TEX36: variants seen among roughly 807,000 people sequenced by gnomAD.
The protein encoded by TEX36 is testis-expressed protein 36.
A neutral mutation model predicts 13.6 loss-of-function variants in TEX36; 12 were observed. The observed-to-expected ratio is 0.88, with a 90% CI of 0.56 to 1.43. TEX36 has a LOEUF of 1.43. Among genes scored for constraint, TEX36 ranks in the 40% most tolerant of loss-of-function variants. The probability of loss-of-function intolerance (pLI) is 0.00; values close to 1 mark genes in which losing one functional copy is unlikely to be tolerated. For synonymous variants in TEX36, 93 were observed against 83.0 expected (o/e 1.12, Z -0.65); for missense variants, 224 against 228.3 (o/e 0.98, Z 0.12).
chr10:125,629,083 C>T (rs916936136), intron 3 of TEX36, among the ~76,000 whole-genome samples: 8 of 152,102 alleles, frequency 5.3e-5, no homozygotes, highest in South Asian at 2.1e-4. Flanking sequence ...CTCTGTAGTT[C>T]GGAATTTGTG....
At chr10:125,635,103 C>G (rs1565179854) in intron 3 of TEX36, among the ~76,000 whole-genome samples, 2 of 152,158 alleles carry the variant, frequency 1.3e-5, no homozygotes, top group Non-Finnish European at 2.9e-5. Flanking sequence ...GCAGAATCTA[C>G]CAATAGTGCA....
At chr10:125,677,887 G>A (rs1282716085) in intron 1 of TEX36, among the ~76,000 whole-genome samples, 1 of 152,082 alleles carries the variant, frequency 6.6e-6, no homozygotes, top group Non-Finnish European at 1.5e-5. Flanking sequence ...TCACCATGTT[G>A]GCCAGGCTGG....
intron 1 of TEX36, chr10:125,667,459 G>T: frequency 1.4e-6 from 1 of 710,266 alleles, no homozygotes. Flanking sequence ...TATTTTCCAT[G>T]ACGGCAAGGG....
At chr10:125,632,199 G>A (rs1040381103) in intron 3 of TEX36, among the ~76,000 whole-genome samples, 6 of 152,108 alleles carry the variant, frequency 3.9e-5, no homozygotes, top group Non-Finnish European at 8.8e-5. Context: ...TGTGGACTCT[G>A]ACGAGGAGAA....
chr10:125,614,798 G>C (rs951303764), intron 3 of TEX36, among the ~76,000 whole-genome samples: 1 of 152,212 alleles, frequency 6.6e-6, no homozygotes, highest in African/African-American at 2.4e-5. Context: ...CTTCAAAGTA[G>C]TTTTTTCCAA....
At chr10:125,674,301 T>C (rs1008390424) in intron 1 of TEX36, among the ~76,000 whole-genome samples, 2 of 152,210 alleles carry the variant, frequency 1.3e-5, no homozygotes. Flanking sequence ...AAACTGGTTA[T>C]TCTGATTAAC....
At chr10:125,643,189 T>C (rs1199495319) in intron 3 of TEX36, among the ~76,000 whole-genome samples, 1 of 152,204 alleles carries the variant, frequency 6.6e-6, no homozygotes, top group Admixed American at 6.5e-5. Context: ...GGCAGGGCAG[T>C]GTCCCAGAAA....
chr10:125,654,220 G>A (rs796751831), downstream of TEX36, among the ~76,000 whole-genome samples: 36 of 151,886 alleles, frequency 2.4e-4, 1 homozygote, highest in African/African-American at 7.2e-4. Context: ...AAGTTTAGCC[G>A]GTTTGCCAAG....
intron 2 of TEX36, 88 bp from the exon 3 acceptor site, chr10:125,661,189 G>A (rs1055651269): frequency 8.2e-6 from 9 of 1,091,716 alleles, no homozygotes; most frequent in Non-Finnish European, 1.2e-5. Context: ...AAGGAAGATG[G>A]ATGAGGCAAA....
chr10:125,622,249 A>C (rs1471208859), intron 3 of TEX36, among the ~76,000 whole-genome samples: 1 of 152,204 alleles, frequency 6.6e-6, no homozygotes, highest in African/African-American at 2.4e-5. Context: ...CCTTAACCTA[A>C]ATGCTAAGAC....
At chr10:125,678,403 A>T (rs1043104952) in intron 1 of TEX36, among the ~76,000 whole-genome samples, 32 of 151,924 alleles carry the variant, frequency 2.1e-4, no homozygotes, top group African/African-American at 7.0e-4. Flanking sequence ...TTCAGGCCCC[A>T]TTGGTGGCAG....
In TEX36 at chr10:125,659,809, G is replaced by A. The variant is rs117213167; in HGVS notation, c.264+1212C>T. ...TACGAGATGTTGGTATATGGCAGAT[G>A]CTTTATAAATGGTGGGCCATTAATA... On this transcript the variant is annotated intron_variant, in intron 3 of 3. Coordinates refer to ENST00000368821, the MANE Select transcript of TEX36 (RefSeq NM_001128202.3). 9.3e-4 allele frequency among the ~76,000 whole-genome samples: 141 copies of A among 152,294 alleles called. 1 individual carries two copies. In the East Asian group the frequency reaches 0.024, roughly 25 times the overall value.
At chr10:125,663,583 T>C (rs1847078697) in intron 1 of TEX36, among the ~76,000 whole-genome samples, 2 of 152,204 alleles carry the variant, frequency 1.3e-5, no homozygotes, top group African/African-American at 4.8e-5. Context: ...TTTTTAGTAA[T>C]AGCTATTCTG....
At chr10:125,643,445 T>TA (rs1030473530) in intron 3 of TEX36, among the ~76,000 whole-genome samples, 1 of 152,030 alleles carries the variant, frequency 6.6e-6, no homozygotes, top group African/African-American at 2.4e-5. Context: ...CTATCTCTAC[T>TA]AAAAATACAA....
chr10:125,662,033 A>T (rs1358747686), intron 1 of TEX36, 56 bp from the exon 2 acceptor site: 1 of 1,550,266 alleles, frequency 6.5e-7, no homozygotes, highest in Admixed American at 2.0e-5. Flanking sequence ...TCTACAAGCC[A>T]AGTATCAGGG....
chr10:125,653,475 C>A (rs1292467311), downstream of TEX36, among the ~76,000 whole-genome samples: 1 of 116,846 alleles, frequency 8.6e-6, no homozygotes, highest in African/African-American at 3.5e-5. Flanking sequence ...CATCACACAC[C>A]AGAGCCTGTC....
At chr10:125,626,423 C>T (rs1320326453) in intron 3 of TEX36, among the ~76,000 whole-genome samples, 1 of 152,236 alleles carries the variant, frequency 6.6e-6, no homozygotes, top group Non-Finnish European at 1.5e-5. Context: ...TGGTGCTGTG[C>T]TGTTTACAGA....
At chr10:125,649,196 A>G (rs1846816712) in intron 3 of TEX36, among the ~76,000 whole-genome samples, 1 of 152,228 alleles carries the variant, frequency 6.6e-6, no homozygotes, top group Admixed American at 6.5e-5. Flanking sequence ...TCCAAGACAC[A>G]TAATTGTCAG....
chr10:125,576,726 A>G lies in TEX36; in HGVS notation c.*23T>C, dbSNP rs201844917. The G allele has an allele frequency of 1.7e-4, 266 of 1,534,492 alleles. 4 individuals carry two copies. In the East Asian group the frequency reaches 5.1e-3, roughly 30 times the overall value. Reference sequence around the variant, plus strand: ...TAGTCAGGACTCTGGGGAATGGGTGACAGAAACTTGCTCCCAAAGAGCTCA... The same window carrying G: ...TAGTCAGGACTCTGGGGAATGGGTGGCAGAAACTTGCTCCCAAAGAGCTCA... On this transcript the variant is annotated 3_prime_UTR_variant, in exon 4 of 4. Coordinates refer to the TEX36 transcript ENST00000532135.
Sources: gnomAD v4.1 joint callset for allele counts (sites outside exome capture counted in the v4.1 genomes callset) on GRCh38, gnomAD v4.1.1 for gene constraint, MANE v1.5 for transcripts, NCBI Gene and HGNC (gene_info 2026-07-23, HGNC 2026-07-21) for gene names.